IL1RAP: variants seen among roughly 807,000 people sequenced by gnomAD.
The protein encoded by IL1RAP is interleukin 1 receptor accessory protein, also known as interleukin-1 receptor accessory protein.
In IL1RAP, 35 loss-of-function variants were observed where a neutral mutation model predicts 60.7. The ratio of observed to expected loss-of-function variants is 0.58; its 90% CI spans 0.44 to 0.76. IL1RAP has a LOEUF of 0.76. Ranked by LOEUF, IL1RAP falls within the 30% of genes least tolerant of loss-of-function variation. The pLI is 0.00. For synonymous variants in IL1RAP, 268 were observed against 250.9 expected (o/e 1.07, Z -0.64); for missense variants, 572 against 693.9 (o/e 0.82, Z 1.97).
At position 190,649,000 on chromosome 3, in the gene IL1RAP, T is replaced by A; in HGVS notation, c.*295T>A. ...TACATTGTCTATCCCTGTTTTTATA[T>A]GTCTCCATTCTTTTTAAAATCTTAA... is the stretch of plus-strand genomic sequence containing the variant. On this transcript the variant is annotated 3_prime_UTR_variant, in exon 12 of 12. Coordinates refer to ENST00000447382, the MANE Select transcript of IL1RAP (RefSeq NM_002182.4). 11 of 1,079,448 alleles carry A rather than the reference T, an allele frequency of 1.0e-5. No individual in the cohort carries two copies. Among genetic ancestry groups the A allele is most frequent in the Non-Finnish European group, 1.2e-5 (11 of 890,716 alleles). The allele number at this position is 1,079,448 out of a possible 1,614,324, so 66.9% of individuals were successfully genotyped here.
At chr3:190,590,267 T>G (rs1313816571) in intron 3 of IL1RAP, among the ~76,000 whole-genome samples, 1 of 152,042 alleles carries the variant, frequency 6.6e-6, no homozygotes, top group African/African-American at 2.4e-5. Context: ...CTTTTTTTTT[T>G]TTTGGTGAGA....
rs1280395962 is a variant in IL1RAP, at chr3:190,649,678, C to T, written c.*973C>T. On this transcript the variant is annotated 3_prime_UTR_variant, in exon 12 of 12. Coordinates refer to ENST00000447382, the MANE Select transcript of IL1RAP (RefSeq NM_002182.4). ...TTTTTCTCACTCGTTTTTGTTGCTC[C>T]ATTGTAAAGGGCGGAGGTCAGTCTT... 1 of 985,652 alleles carries T rather than the reference C, an allele frequency of 1.0e-6. No homozygotes were observed. The highest frequency in any genetic ancestry group is 1.7e-5 in the African/African-American group (1 of 57,204). 61.1% of individuals were successfully genotyped at this position (985,652 alleles called of 1,614,324 possible).
rs1040089763 is a variant in IL1RAP, at chr3:190,627,196, A to G, written c.776-127A>G. The G allele has an allele frequency of 2.1e-5, 15 of 728,916 alleles. No individual in the cohort carries two copies. In the Admixed American group the frequency reaches 4.4e-4, roughly 21 times the overall value. 45.2% of individuals were successfully genotyped at this position (728,916 alleles called of 1,614,324 possible). A position where few individuals can be genotyped will look rare whatever the true frequency, so the allele number is the denominator to read the frequency against. ...ACTCGTAGCTTCTGATTAGCCAGAGAGTAGAACCAATATAGCCATGTGAAG... is the reference window on the plus strand; with the variant it reads ...ACTCGTAGCTTCTGATTAGCCAGAGGGTAGAACCAATATAGCCATGTGAAG... On this transcript the variant is annotated intron_variant, in intron 7 of 11. Transcript: ENST00000447382.
At chr3:190,656,381 G>A (rs1310476845), downstream of IL1RAP, 1 of 1,537,254 alleles carries the variant, frequency 6.5e-7, no homozygotes, top group Non-Finnish European at 8.7e-7. Flanking sequence ...TGCCGCTGTT[G>A]TGTCACCTAC....
chr3:190,627,384 G>C lies in IL1RAP; in HGVS notation c.837G>C (p.Glu279Asp). Residue 279 changes from glutamate (E) to aspartate (D), a missense_variant, in exon 8 of 12, where the codon GAG becomes GAC. Coordinates refer to ENST00000447382, the MANE Select transcript of IL1RAP (RefSeq NM_002182.4). ...YFSFLMDSRNEVWWTIDGKKP... is the reference protein window; with the variant it reads ...YFSFLMDSRNDVWWTIDGKKP... ...GTTTTCTGATGGATTCTCGCAATGA[G>C]GTTTGGTGGACCATTGATGGAAAAA... The C allele has an allele frequency of 6.2e-7, 1 of 1,613,200 alleles. No homozygotes were observed. The highest frequency in any genetic ancestry group is 1.3e-5 in the African/African-American group (1 of 74,796).
chr3:190,574,111 TA>T (rs1424755350), intron 3 of IL1RAP, among the ~76,000 whole-genome samples: 4 of 152,210 alleles, frequency 2.6e-5, no homozygotes, highest in Non-Finnish European at 5.9e-5. Context: ...AACTTCATTT[TA>T]AAACATGCCA....
intron 1 of IL1RAP, among the ~76,000 whole-genome samples, chr3:190,541,873 G>A (rs192856280): frequency 1.9e-3 from 283 of 152,262 alleles, no homozygotes; most frequent in Admixed American, 3.3e-3. Flanking sequence ...CTCTGGATGA[G>A]AAGTGGAGAA....
At chr3:190,599,612 ATAGGTCCT>A (rs918967740) in intron 3 of IL1RAP, among the ~76,000 whole-genome samples, 8 of 150,292 alleles carry the variant, frequency 5.3e-5, no homozygotes, top group African/African-American at 2.0e-4. Context: ...GGGGCAATTG[ATAGGTCCT>A]TAGAAGGTTG....
At chr3:190,591,163 A>C (rs922657175) in intron 3 of IL1RAP, among the ~76,000 whole-genome samples, 7 of 152,246 alleles carry the variant, frequency 4.6e-5, no homozygotes, top group Non-Finnish European at 8.8e-5. Context: ...AAAGTGAAAA[A>C]GAGAGAAATA....
chr3:190,522,419 GTATCTATCTATCTATC>G (rs36196626), intron 1 of IL1RAP, among the ~76,000 whole-genome samples: 107 of 142,744 alleles, frequency 7.5e-4, no homozygotes, highest in East Asian at 2.4e-3. Context: ...ATGTATCTAT[GTATCTATCTATCTATC>G]TATCTATCTA....
intron 9 of IL1RAP, among the ~76,000 whole-genome samples, chr3:190,632,004 T>TG (rs1388018311): frequency 1.3e-5 from 2 of 151,906 alleles, no homozygotes; most frequent in Admixed American, 1.3e-4. Flanking sequence ...GATTTCACCA[T>TG]GTTGGCCAGG....
At position 190,648,782 on chromosome 3, in the gene IL1RAP, T is replaced by G; in HGVS notation, c.*77T>G. ...GTCCCCCCAGTCTTCATTCGCAGTT[T>G]ATGGTTTCATAGGCAAAAATAATGG... On this transcript the variant is annotated 3_prime_UTR_variant, in exon 12 of 12. Coordinates refer to ENST00000447382, the MANE Select transcript of IL1RAP (RefSeq NM_002182.4). 2 of 1,504,364 alleles carry G rather than the reference T, an allele frequency of 1.3e-6. No individual in the cohort carries two copies. Among genetic ancestry groups the G allele is most frequent in the Non-Finnish European group, 1.8e-6 (2 of 1,129,308 alleles). The allele number at this position is 1,504,364 out of a possible 1,614,324, so 93.2% of individuals were successfully genotyped here. A position where few individuals can be genotyped will look rare whatever the true frequency, so the allele number is the denominator to read the frequency against.
At position 190,651,047 on chromosome 3, in the gene IL1RAP, C is replaced by T. The variant is rs80048239; in HGVS notation, c.*2342C>T. 2.5e-3 allele frequency: 2,481 copies of T among 983,558 alleles called. 49 individuals carry two copies. The African/African-American group carries it at 0.041, about 16-fold the overall frequency. 60.9% of individuals were successfully genotyped at this position (983,558 alleles called of 1,614,324 possible). ...CATATCAAGTTTATGTGATACGTAT[C>T]ATTGCAAGAGAATTTGTTTCAAGAT... is the stretch of plus-strand genomic sequence containing the variant. On this transcript the variant is annotated 3_prime_UTR_variant, in exon 12 of 12. Coordinates refer to ENST00000447382, the MANE Select transcript of IL1RAP (RefSeq NM_002182.4).
At chr3:190,643,438 A>G (rs1560240520) in intron 9 of IL1RAP, among the ~76,000 whole-genome samples, 3 of 152,184 alleles carry the variant, frequency 2.0e-5, no homozygotes, top group Admixed American at 6.5e-5. Context: ...GACCTTGATT[A>G]TAGGGCTAAT....
intron 11 of IL1RAP, 71 bp from the exon 12 acceptor site, chr3:190,648,267 G>C (rs1734177065): frequency 2.6e-6 from 4 of 1,514,726 alleles, no homozygotes; most frequent in Non-Finnish European, 3.5e-6. Context: ...CCCTACATTT[G>C]CTCCTCAAGC....
chr3:190,633,548 G>T (rs1014589218), intron 9 of IL1RAP, among the ~76,000 whole-genome samples: 2 of 151,868 alleles, frequency 1.3e-5, no homozygotes, highest in South Asian at 2.1e-4. Context: ...GTAGAGACGG[G>T]GTTTCTCCAT....
intron 7 of IL1RAP, among the ~76,000 whole-genome samples, chr3:190,626,410 T>G (rs1217853412): frequency 2.6e-5 from 4 of 152,172 alleles, no homozygotes; most frequent in African/African-American, 7.2e-5. Context: ...TAACCTCATG[T>G]TCCATCTCAG....
At chr3:190,651,787 A>ATGTGTATGTGTG, downstream of IL1RAP, among the ~76,000 whole-genome samples, 1 of 148,506 alleles carries the variant, frequency 6.7e-6, no homozygotes, top group Middle Eastern at 3.4e-3. Context: ...GTGTATGTGT[A>ATGTGTATGTGTG]TGTGTATGTG....
chr3:190,550,379 T>C (rs973375087), intron 1 of IL1RAP: 9 of 152,196 alleles, frequency 5.9e-5, no homozygotes, highest in African/African-American at 2.2e-4. Context: ...TTTGGGACAA[T>C]AATGTGTCTC....
Sources: allele counts gnomAD v4.1 joint callset (sites outside exome capture counted in the v4.1 genomes callset), GRCh38; gene constraint gnomAD v4.1.1; transcripts MANE v1.5; gene names NCBI Gene and HGNC (gene_info 2026-07-23, HGNC 2026-07-21).